The following NCKAP5 variants were observed in gnomAD, a reference collection of about 807,000 sequenced individuals.
NCKAP5 encodes NCK associated protein 5.
A neutral mutation model predicts 167.0 loss-of-function variants in NCKAP5; 92 were observed. The observed-to-expected ratio is 0.55, with a 90% CI of 0.47 to 0.66. The LOEUF is 0.66. NCKAP5 is among the 30% of genes least tolerant of loss of function. The pLI is 0.00. For synonymous variants in NCKAP5, 891 were observed against 877.4 expected (o/e 1.02, Z -0.27); for missense variants, 2,378 against 2,315.0 (o/e 1.03, Z -0.56).
intron 5 of NCKAP5, among the ~76,000 whole-genome samples, chr2:133,200,937 C>A (rs1466809861): frequency 6.6e-6 from 1 of 152,104 alleles, no homozygotes; most frequent in Non-Finnish European, 1.5e-5. Flanking sequence ...ACCCTGAAAC[C>A]ACATGTAGTA....
At chr2:132,848,215 G>A (rs1342394936) in intron 11 of NCKAP5, among the ~76,000 whole-genome samples, 1 of 152,182 alleles carries the variant, frequency 6.6e-6, no homozygotes, top group Non-Finnish European at 1.5e-5. Flanking sequence ...CATCTCACAT[G>A]TCCTGTCCTG....
At chr2:132,834,824 G>T (rs1442668381) in intron 11 of NCKAP5, among the ~76,000 whole-genome samples, 1 of 152,078 alleles carries the variant, frequency 6.6e-6, no homozygotes, top group Non-Finnish European at 1.5e-5. Context: ...TTGTCTAATT[G>T]CTCTGGTTAG....
chr2:133,072,641 T>C (rs1332228620), intron 6 of NCKAP5, among the ~76,000 whole-genome samples: 3 of 152,202 alleles, frequency 2.0e-5, no homozygotes, highest in Admixed American at 1.3e-4. Flanking sequence ...CTGGCTAACA[T>C]TCAGTAAGCA....
chr2:133,066,467 C>A lies in NCKAP5; in HGVS notation c.341+63511G>T, dbSNP rs188683476. 3.3e-5 allele frequency among the ~76,000 whole-genome samples: 5 copies of A among 152,192 alleles called. 1 individual carries two copies. The highest frequency in any genetic ancestry group is 3.3e-4 in the Admixed American group (5 of 15,282). ...ATTCAACTTATTAAAGAATAACAGC[C>A]CAAGTAGAGAAATTATATGTGTTTC... On this transcript the variant is annotated intron_variant, in intron 6 of 19. Transcript: ENST00000409261.
At chr2:132,925,398 C>CAA (rs112681327) in intron 8 of NCKAP5, among the ~76,000 whole-genome samples, 14 of 130,548 alleles carry the variant, frequency 1.1e-4, no homozygotes, top group South Asian at 2.4e-4. Context: ...ACTAAAAGTA[C>CAA]AAAAAAAAAA....
Position 133,112,226 on chromosome 2 carries a change from G to C in NCKAP5, c.341+17752C>G, listed in dbSNP as rs968849787. On this transcript the variant is annotated intron_variant, in intron 6 of 19. Coordinates refer to ENST00000409261, the MANE Select transcript of NCKAP5 (RefSeq NM_207363.3). ...GTGGTGGCTCACACCTGTAATCCCA[G>C]CACTTTGGGAGGCTGAGGCAGGTGG... Among the ~76,000 whole-genome samples the C allele has an allele frequency of 8.5e-5, 13 of 152,306 alleles. No homozygotes were observed. The South Asian group carries it at 1.5e-3, about 17-fold the overall frequency.
In NCKAP5 at chr2:132,782,660, C is replaced by A. The variant is rs2084342; in HGVS notation, c.4151G>T (p.Gly1384Val). The change falls in exon 14 of 20, where the codon GGA (glycine) becomes GTA (valine). Residue 1384 changes from glycine to valine, a missense_variant. Gly to Val is a moderately radical substitution (Grantham distance 109). Coordinates refer to ENST00000409261, the MANE Select transcript of NCKAP5 (RefSeq NM_207363.3). ...PKSEGLLIPPGKEDQQAFTQG... is the reference protein window; with the variant it reads ...PKSEGLLIPPVKEDQQAFTQG... ...GGTGAAGGCCTGCTGGTCTTCCTTTCCAGGTGGGATGAGGAGTCCCTCAGA... is the reference window on the plus strand; with the variant it reads ...GGTGAAGGCCTGCTGGTCTTCCTTTACAGGTGGGATGAGGAGTCCCTCAGA... 6.2e-7 allele frequency: 1 copy of A among 1,611,908 alleles called. No individual in the cohort carries two copies. The highest frequency in any genetic ancestry group is 1.1e-5 in the South Asian group (1 of 90,676).
chr2:132,845,206 G>A (rs1326034160), intron 11 of NCKAP5, among the ~76,000 whole-genome samples: 1 of 151,948 alleles, frequency 6.6e-6, no homozygotes, highest in Non-Finnish European at 1.5e-5. Context: ...TCCTGTTTCA[G>A]TCCTTTATTT....
chr2:132,672,907 G>T lies in NCKAP5; in HGVS notation c.*382C>A. On this transcript the variant is annotated 3_prime_UTR_variant, in exon 20 of 20. Coordinates refer to ENST00000409261, the MANE Select transcript of NCKAP5 (RefSeq NM_207363.3). ...GGTTGCCTGCTGTGAATTTGACAAG[G>T]AAGGCTCTGGTACTGCAATAGTTTA... 2.1e-6 allele frequency: 2 copies of T among 961,256 alleles called. No individual in the cohort carries two copies. The highest frequency in any genetic ancestry group is 2.5e-6 in the Non-Finnish European group (2 of 806,748). 59.5% of individuals were successfully genotyped at this position (961,256 alleles called of 1,614,324 possible).
chr2:133,429,584 CTG>C (rs1690028932), intron 3 of NCKAP5, among the ~76,000 whole-genome samples: 1 of 152,052 alleles, frequency 6.6e-6, no homozygotes, highest in African/African-American at 2.4e-5. Flanking sequence ...TTTTCTTTTT[CTG>C]TGTTAGTTCA....
chr2:133,506,105 C>A (rs1220698546), intron 3 of NCKAP5, among the ~76,000 whole-genome samples: 5 of 152,170 alleles, frequency 3.3e-5, no homozygotes, highest in Admixed American at 3.3e-4. Flanking sequence ...AGTGATCGAT[C>A]CACTAGACCA....
At chr2:132,722,211 C>T (rs1361004917) in intron 19 of NCKAP5, among the ~76,000 whole-genome samples, 1 of 152,158 alleles carries the variant, frequency 6.6e-6, no homozygotes, top group Non-Finnish European at 1.5e-5. Context: ...TACCCAGGTA[C>T]TCTCTCATGT....
chr2:133,469,575 A>G (rs2151274172), intron 3 of NCKAP5, among the ~76,000 whole-genome samples: 1 of 152,100 alleles, frequency 6.6e-6, no homozygotes, highest in East Asian at 1.9e-4. Context: ...TAGATTGGGG[A>G]AGTTCTCCTG....
intron 2 of NCKAP5, among the ~76,000 whole-genome samples, chr2:133,528,578 A>T (rs1311618676): frequency 6.6e-6 from 1 of 152,200 alleles, no homozygotes; most frequent in Non-Finnish European, 1.5e-5. Flanking sequence ...GAAACTTAAA[A>T]CAGAGAACTT....
intron 8 of NCKAP5, among the ~76,000 whole-genome samples, chr2:132,907,705 T>C (rs1010829568): frequency 6.6e-6 from 1 of 152,152 alleles, no homozygotes; most frequent in African/African-American, 2.4e-5. Flanking sequence ...TTGCCCAGGC[T>C]GGAGTTCAGT....
intron 3 of NCKAP5, among the ~76,000 whole-genome samples, chr2:133,446,476 T>C (rs1691200973): frequency 6.6e-6 from 1 of 152,200 alleles, no homozygotes; most frequent in Admixed American, 6.5e-5. Flanking sequence ...CTAGGTAATA[T>C]GGCACCTACT....
At chr2:133,602,415 GC>G in the NCKAP5 span, among the ~76,000 whole-genome samples, 1 of 152,212 alleles carries the variant, frequency 6.6e-6, no homozygotes, top group East Asian at 1.9e-4. Flanking sequence ...TGTAGACGCT[GC>G]TGAGTGCAGA....
the NCKAP5 span, among the ~76,000 whole-genome samples, chr2:133,630,964 A>C: frequency 1.3e-5 from 2 of 152,210 alleles, no homozygotes; most frequent in Non-Finnish European, 2.9e-5. Flanking sequence ...TGTATATGTG[A>C]AAGATGTTCA....
chr2:133,548,778 C>CA (rs1407875777), intron 2 of NCKAP5, among the ~76,000 whole-genome samples: 1 of 152,096 alleles, frequency 6.6e-6, no homozygotes, highest in Non-Finnish European at 1.5e-5. Context: ...AAAATCATGC[C>CA]AAAACGTAAA....
Sources: gnomAD v4.1 joint callset for allele counts (sites outside exome capture counted in the v4.1 genomes callset) on GRCh38, gnomAD v4.1.1 for gene constraint, MANE v1.5 for transcripts, NCBI Gene and HGNC (gene_info 2026-07-23, HGNC 2026-07-21) for gene names.